The following DCDC2 variants were observed in gnomAD, a reference collection of about 807,000 sequenced individuals.
DCDC2 encodes doublecortin domain containing 2.
DCDC2 carries 40 observed loss-of-function variants against 50.2 expected under a neutral mutation model. The observed-to-expected ratio is 0.80, with a 90% CI of 0.62 to 1.04. The LOEUF is 1.04. Among genes scored for constraint, DCDC2 ranks in the 50% least tolerant of loss-of-function variants. The pLI is 0.00. For missense variants in DCDC2, 570 were observed against 581.9 expected (o/e 0.98, Z 0.21); for synonymous variants, 234 against 210.6 (o/e 1.11, Z -0.96).
intron 7 of DCDC2, among the ~76,000 whole-genome samples, chr6:24,233,652 T>C (rs1355975679): frequency 6.6e-6 from 1 of 152,208 alleles, no homozygotes; most frequent in Non-Finnish European, 1.5e-5. Flanking sequence ...AAATTGTCTG[T>C]ATGCATTTAG....
chr6:24,286,515 C>G (rs1581632225), intron 6 of DCDC2, among the ~76,000 whole-genome samples: 2 of 151,718 alleles, frequency 1.3e-5, no homozygotes, highest in South Asian at 4.2e-4. Flanking sequence ...ATCGCTTGAG[C>G]CTGGGAGGTC....
chr6:24,321,535 C>T (rs1759773392), intron 2 of DCDC2, among the ~76,000 whole-genome samples: 1 of 152,114 alleles, frequency 6.6e-6, no homozygotes, highest in African/African-American at 2.4e-5. Flanking sequence ...ATCTCCCTCC[C>T]TTCCTTTTTA....
intron 2 of DCDC2, chr6:24,353,128 C>A: frequency 3.1e-6 from 1 of 321,608 alleles, no homozygotes; most frequent in Non-Finnish European, 6.2e-6. Flanking sequence ...ACAAAGTGTC[C>A]AACGTGACAT....
At chr6:24,240,100 A>G (rs544564004) in intron 7 of DCDC2, among the ~76,000 whole-genome samples, 1 of 152,338 alleles carries the variant, frequency 6.6e-6, no homozygotes, top group East Asian at 1.9e-4. Context: ...CACATCTAGC[A>G]TTATCTGTAA....
At chr6:24,193,178 T>C (rs369378380) in intron 8 of DCDC2, among the ~76,000 whole-genome samples, 16 of 152,172 alleles carry the variant, frequency 1.1e-4, no homozygotes, top group East Asian at 3.9e-4. Flanking sequence ...AAAAAAAAGA[T>C]ATTTTCAGAC....
At chr6:24,376,552 C>T in the DCDC2 span, among the ~76,000 whole-genome samples, 1 of 152,088 alleles carries the variant, frequency 6.6e-6, no homozygotes. Context: ...GACTTAAGAG[C>T]TCCTTCCCTG....
intron 8 of DCDC2, among the ~76,000 whole-genome samples, chr6:24,202,574 G>A (rs1186903040): frequency 6.6e-6 from 1 of 152,106 alleles, no homozygotes; most frequent in Non-Finnish European, 1.5e-5. Flanking sequence ...AACTGGCACA[G>A]ATCAAGGATG....
intron 4 of DCDC2, among the ~76,000 whole-genome samples, chr6:24,294,454 A>G (rs751646208): frequency 6.6e-6 from 1 of 152,218 alleles, no homozygotes; most frequent in Non-Finnish European, 1.5e-5. Context: ...AGCAGAAGAC[A>G]AGAAATAACC....
At chr6:24,194,221 G>A (rs1169411472) in intron 8 of DCDC2, among the ~76,000 whole-genome samples, 2 of 152,020 alleles carry the variant, frequency 1.3e-5, no homozygotes, top group African/African-American at 4.8e-5. Context: ...AATCTTTGTT[G>A]AACTGATTGA....
intron 8 of DCDC2, among the ~76,000 whole-genome samples, chr6:24,202,132 T>G (rs1761603099): frequency 6.6e-6 from 1 of 152,172 alleles, no homozygotes. Flanking sequence ...CTAATTCATT[T>G]TATGAGGCCA....
rs1760837900 is a variant in DCDC2, at chr6:24,173,816, T to A, written c.*914A>T. On this transcript the variant is annotated 3_prime_UTR_variant, in exon 10 of 10. Transcript: ENST00000378454. ...AAATTGAGCAGTCACAAACTCTTCA[T>A]ATAGTCTACTTTTTTCTTCCTAATA... is the stretch of plus-strand genomic sequence containing the variant. 1 of 152,234 alleles carries A rather than the reference T, an allele frequency of 6.6e-6. No individual in the cohort carries two copies. The highest frequency in any genetic ancestry group is 1.5e-5 in the Non-Finnish European group (1 of 68,036). 9.4% of individuals were successfully genotyped at this position (152,234 alleles called of 1,614,324 possible). A position where few individuals can be genotyped will look rare whatever the true frequency, so the allele number is the denominator to read the frequency against.
chr6:24,316,835 A>T (rs1305170229), intron 2 of DCDC2, among the ~76,000 whole-genome samples: 2 of 152,116 alleles, frequency 1.3e-5, no homozygotes, highest in African/African-American at 4.8e-5. Flanking sequence ...CAGCTCAATA[A>T]AACAGTATAT....
intron 7 of DCDC2, among the ~76,000 whole-genome samples, chr6:24,205,757 A>T (rs1160392224): frequency 6.6e-6 from 1 of 152,158 alleles, no homozygotes; most frequent in Non-Finnish European, 1.5e-5. Flanking sequence ...CTGGAAAGCA[A>T]TAATAGCTGT....
chr6:24,331,891 A>C (rs1373643402), intron 2 of DCDC2, among the ~76,000 whole-genome samples: 2 of 152,238 alleles, frequency 1.3e-5, no homozygotes, highest in Non-Finnish European at 2.9e-5. Flanking sequence ...AGAAGGAGAA[A>C]TTATGTATAG....
chr6:24,299,312 G>C (rs933902728), intron 4 of DCDC2, among the ~76,000 whole-genome samples: 2 of 152,104 alleles, frequency 1.3e-5, no homozygotes, highest in Non-Finnish European at 2.9e-5. Flanking sequence ...ATAAAAATAG[G>C]AACAGTAGAT....
chr6:24,316,987 A>G (rs1759681316), intron 2 of DCDC2, among the ~76,000 whole-genome samples: 1 of 148,342 alleles, frequency 6.7e-6, no homozygotes, highest in African/African-American at 2.5e-5. Flanking sequence ...ATATACATAT[A>G]TATGTAGAGA....
At chr6:24,349,043 T>C (rs1443252386) in intron 2 of DCDC2, among the ~76,000 whole-genome samples, 1 of 152,164 alleles carries the variant, frequency 6.6e-6, no homozygotes, top group Non-Finnish European at 1.5e-5. Context: ...TAATTCCACC[T>C]TGAATGGTTA....
At chr6:24,216,975 G>C (rs1309649852) in intron 7 of DCDC2, among the ~76,000 whole-genome samples, 2 of 152,150 alleles carry the variant, frequency 1.3e-5, no homozygotes, top group East Asian at 3.9e-4. Flanking sequence ...AGAAGAAAGT[G>C]AGAAACCTGC....
At chr6:24,266,490 A>C (rs572804121) in intron 7 of DCDC2, among the ~76,000 whole-genome samples, 8 of 152,294 alleles carry the variant, frequency 5.3e-5, no homozygotes, top group African/African-American at 1.4e-4. Context: ...CTAATACTCT[A>C]ATTTAAAAAT....
Sources: gnomAD v4.1 joint callset for allele counts (sites outside exome capture counted in the v4.1 genomes callset) on GRCh38, gnomAD v4.1.1 for gene constraint, MANE v1.5 for transcripts, NCBI Gene and HGNC (gene_info 2026-07-23, HGNC 2026-07-21) for gene names.